Variants in FYTTD1 observed in about 807,000 individuals in gnomAD.
FYTTD1 encodes forty-two-three domain containing 1, also known as UAP56-interacting factor.
Under a neutral mutation model 40.9 loss-of-function variants are expected in FYTTD1, and 22 were observed. The ratio of observed to expected loss-of-function variants is 0.54; its 90% CI spans 0.38 to 0.77. FYTTD1 has a LOEUF of 0.77. FYTTD1 is among the 30% of genes least tolerant of loss of function. The pLI, the probability that FYTTD1 is intolerant of heterozygous loss-of-function variation, is 0.00. For missense variants in FYTTD1, 351 were observed against 392.2 expected (o/e 0.90, Z 0.89); for synonymous variants, 140 against 137.9 (o/e 1.01, Z -0.10).
At chr3:197,759,196 G>T (rs1729295019) in intron 2 of FYTTD1, among the ~76,000 whole-genome samples, 1 of 149,844 alleles carries the variant, frequency 6.7e-6, no homozygotes, top group African/African-American at 2.5e-5. Flanking sequence ...CTCAGTGGTA[G>T]AATGTATAGA....
rs1196521164 is a variant in FYTTD1, at chr3:197,786,788, G to A, written c.*4879G>A. On this transcript the variant is annotated 3_prime_UTR_variant, in exon 9 of 9. Transcript: ENST00000241502. Reference sequence around the variant, plus strand: ...TTCATACTGCTTGGAGTTTATAAAAGCGGAGTTTTTTTATTTTTTGAGACG... The same window carrying A: ...TTCATACTGCTTGGAGTTTATAAAAACGGAGTTTTTTTATTTTTTGAGACG... 1 of 152,108 alleles carries A rather than the reference G, an allele frequency of 6.6e-6. No homozygotes were observed. The highest frequency in any genetic ancestry group is 6.6e-5 in the Admixed American group (1 of 15,244). The allele number at this position is 152,108 out of a possible 1,614,324, so 9.4% of individuals were successfully genotyped here. A position where few individuals can be genotyped will look rare whatever the true frequency, so the allele number is the denominator to read the frequency against.
intron 1 of FYTTD1, among the ~76,000 whole-genome samples, chr3:197,752,083 C>A (rs187008225): frequency 6.6e-6 from 1 of 152,282 alleles, no homozygotes; most frequent in African/African-American, 2.4e-5. Flanking sequence ...ACCATGTTGG[C>A]CAGGCTGGTC....
At chr3:197,763,585 T>C in intron 2 of FYTTD1, 1 of 433,894 alleles carries the variant, frequency 2.3e-6, no homozygotes, top group Non-Finnish European at 4.5e-6. Flanking sequence ...AGGACCAGCG[T>C]GGGCAACATA....
At chr3:197,750,589 C>G in intron 1 of FYTTD1, 3 of 985,242 alleles carry the variant, frequency 3.0e-6, no homozygotes, top group Non-Finnish European at 3.6e-6. Context: ...CCGGGCGTTC[C>G]AGGCCGGCGC....
chr3:197,759,483 G>A (rs544422480), intron 2 of FYTTD1, among the ~76,000 whole-genome samples: 1 of 151,248 alleles, frequency 6.6e-6, no homozygotes, highest in East Asian at 2.0e-4. Context: ...AATGTGTGGA[G>A]TTGTTCCTCA....
Position 197,785,628 on chromosome 3 carries a change from C to A in FYTTD1, c.*3719C>A, listed in dbSNP as rs368870874. 1 of 151,700 alleles carries A rather than the reference C, an allele frequency of 6.6e-6. No individual in the cohort carries two copies. Among genetic ancestry groups the A allele is most frequent in the South Asian group, 2.1e-4 (1 of 4,792 alleles). The allele number at this position is 151,700 out of a possible 1,614,324, so 9.4% of individuals were successfully genotyped here. ...TTTTTATTAGACTAGGTATGTATAT[C>A]ATTATTAATATTTTACTGTAAATAG... On this transcript the variant is annotated 3_prime_UTR_variant, in exon 9 of 9. Transcript: ENST00000241502.
At chr3:197,756,988 G>A (rs1024346594) in intron 2 of FYTTD1, among the ~76,000 whole-genome samples, 1 of 152,130 alleles carries the variant, frequency 6.6e-6, no homozygotes, top group African/African-American at 2.4e-5. Context: ...TTGGATTAAA[G>A]CATGCCTATC....
At chr3:197,781,677 ATATT>A in intron 8 of FYTTD1, 130 bp from the exon 9 acceptor site, 1 of 610,546 alleles carries the variant, frequency 1.6e-6, no homozygotes, top group South Asian at 2.3e-5. Flanking sequence ...ATACATGTAA[ATATT>A]TAGGAAATTT....
intron 2 of FYTTD1, among the ~76,000 whole-genome samples, chr3:197,757,660 A>T (rs558391214): frequency 2.6e-5 from 4 of 152,206 alleles, no homozygotes; most frequent in African/African-American, 9.6e-5. Context: ...TTCTGGTCCC[A>T]GCCACTCAGG....
At chr3:197,774,077 C>A in intron 5 of FYTTD1, 72 bp from the exon 6 acceptor site, 1 of 1,289,048 alleles carries the variant, frequency 7.8e-7, no homozygotes, top group Non-Finnish European at 1.1e-6. Context: ...TAGGAAGTTC[C>A]AGAGCAGGAT....
In FYTTD1 at chr3:197,782,116, T is replaced by C. The variant is rs150844014; in HGVS notation, c.*207T>C. On this transcript the variant is annotated 3_prime_UTR_variant, in exon 9 of 9. Coordinates refer to ENST00000241502, the MANE Select transcript of FYTTD1 (RefSeq NM_032288.7). ...TAATAGGGATTATACCTGTCTGTTC[T>C]TAAAGATTTCATGGTTGGCTCAGAC... The C allele has an allele frequency of 4.8e-3, 1,682 of 350,180 alleles. 19 individuals are homozygous for C. Among genetic ancestry groups the C allele is most frequent in the African/African-American group, 0.032 (1,529 of 47,476 alleles). The allele number at this position is 350,180 out of a possible 1,614,324, so 21.7% of individuals were successfully genotyped here. A position where few individuals can be genotyped will look rare whatever the true frequency, so the allele number is the denominator to read the frequency against.
intron 2 of FYTTD1, among the ~76,000 whole-genome samples, chr3:197,761,351 G>A (rs1729382658): frequency 6.6e-6 from 1 of 151,150 alleles, no homozygotes; most frequent in Non-Finnish European, 1.5e-5. Flanking sequence ...GTTCTTCAGT[G>A]GTAGAATGTA....
chr3:197,750,319 C>T (rs1043506292), intron 1 of FYTTD1: 50 of 1,128,456 alleles, frequency 4.4e-5, no homozygotes, highest in Non-Finnish European at 5.3e-5. Flanking sequence ...GCTGTGGAGG[C>T]GGGGGCAGGG....
chr3:197,768,558 C>G lies in FYTTD1; in HGVS notation c.355C>G (p.Pro119Ala). 2 of 1,613,738 alleles carry G rather than the reference C, an allele frequency of 1.2e-6. No homozygotes were observed. The highest frequency in any genetic ancestry group is 1.7e-6 in the Non-Finnish European group (2 of 1,179,768). Residue 119 changes from proline to alanine, a missense_variant, in exon 3 of 9, where the codon CCT becomes GCT. Transcript: ENST00000241502. ...GACTGGAATTCGAAAAGGAATTAGT[C>G]CTATGAATCGTCCACCTCTAAGTGA... ...KTTGIRKGISPMNRPPLSDKN... is the reference protein window; with the variant it reads ...KTTGIRKGISAMNRPPLSDKN...
intron 7 of FYTTD1, among the ~76,000 whole-genome samples, chr3:197,777,800 G>A (rs1022643242): frequency 6.6e-6 from 1 of 151,878 alleles, no homozygotes; most frequent in Non-Finnish European, 1.5e-5. Flanking sequence ...CTGCTGCCTC[G>A]AACTCCTGGG....
At chr3:197,752,387 G>A (rs1199998026) in intron 1 of FYTTD1, among the ~76,000 whole-genome samples, 1 of 152,188 alleles carries the variant, frequency 6.6e-6, no homozygotes, top group Non-Finnish European at 1.5e-5. Context: ...AACATTAAAT[G>A]AGTCAGAAGG....
chr3:197,784,501 AAAG>A lies in FYTTD1; in HGVS notation c.*2598_*2600del, dbSNP rs1463870821. On this transcript the variant is annotated 3_prime_UTR_variant, in exon 9 of 9. Transcript: ENST00000241502. The stretch of plus-strand genomic sequence containing the variant: ...TTGTAGCTCCAACAAATGAATCTAA[AAAG>A]AAGAATCCAGGCTGGGCACGGTGGC... 3.3e-5 allele frequency: 5 copies of A among 152,256 alleles called. No homozygotes were observed. The highest frequency in any genetic ancestry group is 1.2e-4 in the African/African-American group (5 of 41,472). The allele number at this position is 152,256 out of a possible 1,614,324, so 9.4% of individuals were successfully genotyped here.
At chr3:197,767,150 A>G (rs968330956) in intron 2 of FYTTD1, among the ~76,000 whole-genome samples, 3 of 150,770 alleles carry the variant, frequency 2.0e-5, no homozygotes, top group Non-Finnish European at 4.4e-5. Context: ...TTATTTATTT[A>G]CTTTTTTTGA....
intron 4 of FYTTD1, among the ~76,000 whole-genome samples, chr3:197,771,776 C>CAAA (rs755304777): frequency 4.4e-4 from 29 of 66,292 alleles, no homozygotes; most frequent in African/African-American, 5.6e-4. Flanking sequence ...GACTCCGTCT[C>CAAA]AAAAAAAAAA....
Sources: allele counts gnomAD v4.1 joint callset (sites outside exome capture counted in the v4.1 genomes callset), GRCh38; gene constraint gnomAD v4.1.1; transcripts MANE v1.5; gene names NCBI Gene and HGNC (gene_info 2026-07-23, HGNC 2026-07-21).